The following IGSF11 variants were observed in gnomAD, a reference collection of about 807,000 sequenced individuals.
The protein encoded by IGSF11 is immunoglobulin superfamily member 11, also known as CXADR like 1.
Under a neutral mutation model 41.0 loss-of-function variants are expected in IGSF11, and 22 were observed. The ratio of observed to expected loss-of-function variants is 0.54; its 90% CI spans 0.38 to 0.77. The LOEUF (loss-of-function observed/expected upper bound fraction) is 0.77. Among genes scored for constraint, IGSF11 ranks in the 30% least tolerant of loss-of-function variants. The pLI is 0.00. For missense variants in IGSF11, 444 were observed against 530.8 expected (o/e 0.84, Z 1.61); for synonymous variants, 219 against 201.3 (o/e 1.09, Z -0.74).
chr3:119,095,860 T>G (rs2076841133), intron 1 of IGSF11, among the ~76,000 whole-genome samples: 1 of 152,068 alleles, frequency 6.6e-6, no homozygotes, highest in Non-Finnish European at 1.5e-5. Flanking sequence ...ATGGCTTAGG[T>G]AGAGATAAAT....
chr3:119,064,876 A>G (rs1353589057), intron 1 of IGSF11, among the ~76,000 whole-genome samples: 2 of 152,196 alleles, frequency 1.3e-5, no homozygotes, highest in Non-Finnish European at 2.9e-5. Context: ...ATTTCCAAAA[A>G]TCTTACTACA....
In IGSF11 at chr3:118,914,264, G is replaced by A. The variant is rs961513580; in HGVS notation, c.581-8546C>T. 2.8e-4 allele frequency among the ~76,000 whole-genome samples: 43 copies of A among 152,242 alleles called. 1 individual carries two copies. Among genetic ancestry groups the A allele is most frequent in the African/African-American group, 8.2e-4 (34 of 41,554 alleles). On this transcript the variant is annotated intron_variant, in intron 4 of 6. Transcript: ENST00000393775. ...AAATCGGGGAGGAGCCAAGATGGCC[G>A]AATAGGAACAGCTCCGGTCTACAGC...
At chr3:118,979,025 AC>A (rs1934425529) in intron 1 of IGSF11, among the ~76,000 whole-genome samples, 1 of 152,294 alleles carries the variant, frequency 6.6e-6, no homozygotes, top group Non-Finnish European at 1.5e-5. Flanking sequence ...ACTCTGAAAA[AC>A]AATACAAAGA....
chr3:119,083,668 T>C (rs2076623729), intron 1 of IGSF11, among the ~76,000 whole-genome samples: 1 of 152,174 alleles, frequency 6.6e-6, no homozygotes, highest in Non-Finnish European at 1.5e-5. Flanking sequence ...ATGTAGCCAT[T>C]GTAACATCTT....
chr3:118,951,472 T>C (rs1490832688), intron 1 of IGSF11, among the ~76,000 whole-genome samples: 1 of 152,208 alleles, frequency 6.6e-6, no homozygotes, highest in African/African-American at 2.4e-5. Context: ...TTTTCTATCC[T>C]ACAAAATGTG....
intron 1 of IGSF11, among the ~76,000 whole-genome samples, chr3:118,993,987 T>C (rs965631669): frequency 4.6e-5 from 7 of 152,252 alleles, no homozygotes; most frequent in Non-Finnish European, 1.0e-4. Flanking sequence ...AATCAAATTG[T>C]ACACTGTACA....
chr3:119,076,681 T>C (rs2076505137), intron 1 of IGSF11, among the ~76,000 whole-genome samples: 1 of 152,146 alleles, frequency 6.6e-6, no homozygotes, highest in Non-Finnish European at 1.5e-5. Context: ...TCACTGGCCA[T>C]CAGAGAAATG....
rs1262406300 is a variant in IGSF11, at chr3:119,003,264, GCTCT to G, written c.52+31263_52+31266del. Among the ~76,000 whole-genome samples, 14 of 140,230 alleles carry G rather than the reference GCTCT, an allele frequency of 1.0e-4. 1 individual carries two copies. The highest frequency in any genetic ancestry group is 3.1e-4 in the African/African-American group (11 of 35,278). 92.0% of individuals were successfully genotyped at this position (140,230 alleles called of 152,430 possible). On this transcript the variant is annotated intron_variant, in intron 1 of 6. Coordinates refer to ENST00000393775, the MANE Select transcript of IGSF11 (RefSeq NM_001015887.3). ...TGAATGGGAGTTCACTCATGATTTG[GCTCT>G]CTGTTTGTCTGTTGTTGGTGTATAA... is the stretch of plus-strand genomic sequence containing the variant.
Position 118,926,106 on chromosome 3 carries a change from G to A in IGSF11, c.575C>T (p.Thr192Ile), listed in dbSNP as rs1310873544. 6 of 1,604,290 alleles carry A rather than the reference G, an allele frequency of 3.7e-6. No homozygotes were observed. The Admixed American group carries it at 5.0e-5, about 13-fold the overall frequency. ...DNTLKLPPTATQDQVQGTVTI... is the reference protein window; with the variant it reads ...DNTLKLPPTAIQDQVQGTVTI... Reference sequence around the variant, plus strand: ...TAAAGCAGCACTGTACATACCCTGAGTAGCTGTTGGAGGTAGTTTGAGGGT... The same window carrying A: ...TAAAGCAGCACTGTACATACCCTGAATAGCTGTTGGAGGTAGTTTGAGGGT... Residue 192 changes from threonine (T) to isoleucine (I), a missense_variant, in exon 4 of 7, where the codon ACT becomes ATT. Thr to Ile is a moderately conservative substitution (Grantham distance 89). Coordinates refer to ENST00000393775, the MANE Select transcript of IGSF11 (RefSeq NM_001015887.3).
intron 1 of IGSF11, among the ~76,000 whole-genome samples, chr3:119,112,241 C>A (rs1183777620): frequency 1.3e-5 from 2 of 152,246 alleles, no homozygotes; most frequent in South Asian, 4.1e-4. Flanking sequence ...CTGTGGTGGG[C>A]TCCACCCAGC....
chr3:119,080,910 T>G (rs2076576152), intron 1 of IGSF11, among the ~76,000 whole-genome samples: 1 of 152,190 alleles, frequency 6.6e-6, no homozygotes, highest in Non-Finnish European at 1.5e-5. Flanking sequence ...ATTAATATAT[T>G]AATGAATTTC....
intron 1 of IGSF11, among the ~76,000 whole-genome samples, chr3:119,000,537 T>TC (rs1936713764): frequency 1.3e-5 from 2 of 151,038 alleles, no homozygotes; most frequent in Admixed American, 6.6e-5. Context: ...CTTTTTTTTT[T>TC]TTCGTATGGC....
chr3:119,070,610 T>A (rs991621301), intron 1 of IGSF11, among the ~76,000 whole-genome samples: 2 of 152,242 alleles, frequency 1.3e-5, no homozygotes, highest in African/African-American at 4.8e-5. Flanking sequence ...CATGTTTTTT[T>A]ATTCATTCCT....
chr3:118,913,867 G>C (rs939990050), intron 4 of IGSF11, among the ~76,000 whole-genome samples: 1 of 152,170 alleles, frequency 6.6e-6, no homozygotes, highest in Non-Finnish European at 1.5e-5. Flanking sequence ...CTAAAATGCA[G>C]ACAATACAAA....
At chr3:119,051,248 C>T (rs1941614623) in intron 1 of IGSF11, among the ~76,000 whole-genome samples, 1 of 151,618 alleles carries the variant, frequency 6.6e-6, no homozygotes, top group Non-Finnish European at 1.5e-5. Flanking sequence ...CATATGGGCT[C>T]ACATAAACTT....
chr3:119,123,464 C>T (rs530614293), intron 1 of IGSF11, among the ~76,000 whole-genome samples: 2 of 152,324 alleles, frequency 1.3e-5, no homozygotes, highest in East Asian at 1.9e-4. Flanking sequence ...CTAGCTTTGC[C>T]GCTTGCCACC....
At chr3:119,057,034 C>T (rs1386296763) in intron 1 of IGSF11, among the ~76,000 whole-genome samples, 1 of 152,160 alleles carries the variant, frequency 6.6e-6, no homozygotes, top group Non-Finnish European at 1.5e-5. Context: ...TGGACAAAAA[C>T]TGGAAGCATT....
At chr3:118,966,207 A>C (rs1945664573) in intron 1 of IGSF11, among the ~76,000 whole-genome samples, 1 of 152,172 alleles carries the variant, frequency 6.6e-6, no homozygotes, top group South Asian at 2.1e-4. Context: ...ACTCATCTGA[A>C]GGTTAGGGAC....
intron 1 of IGSF11, chr3:119,105,060 C>T: frequency 2.4e-6 from 2 of 822,760 alleles, no homozygotes; most frequent in South Asian, 3.2e-5. Flanking sequence ...AAGTTAGTAT[C>T]ACAAAAAGCC....
Sources: gnomAD v4.1 joint callset for allele counts (sites outside exome capture counted in the v4.1 genomes callset) on GRCh38, gnomAD v4.1.1 for gene constraint, MANE v1.5 for transcripts, NCBI Gene and HGNC (gene_info 2026-07-23, HGNC 2026-07-21) for gene names.